The following WNT7B variants were observed in gnomAD, a reference collection of about 807,000 sequenced individuals.
WNT7B encodes the protein protein Wnt-7b.
In WNT7B, 19 loss-of-function variants were observed where a neutral mutation model predicts 38.2. The ratio of observed to expected loss-of-function variants is 0.50; its 90% CI spans 0.35 to 0.73. The LOEUF (loss-of-function observed/expected upper bound fraction) is 0.73. Among genes scored for constraint, WNT7B ranks in the 30% least tolerant of loss-of-function variants. The pLI is 0.01. For synonymous variants in WNT7B, 243 were observed against 209.3 expected (o/e 1.16, Z -1.39); for missense variants, 423 against 507.9 (o/e 0.83, Z 1.61).
chr22:45,942,862 TGTGTGTGTGC>T (rs1299514444), intron 2 of WNT7B, among the ~76,000 whole-genome samples: 14 of 151,476 alleles, frequency 9.2e-5, no homozygotes, highest in African/African-American at 3.4e-4. Context: ...GTGCTGTGTG[TGTGTGTGTGC>T]GTGTGTGCAT....
intron 1 of WNT7B, among the ~76,000 whole-genome samples, chr22:45,962,857 T>C (rs1000938970): frequency 6.6e-6 from 1 of 152,164 alleles, no homozygotes; most frequent in African/African-American, 2.4e-5. Flanking sequence ...TCAGGACAGA[T>C]GGGTGGGTGG....
chr22:45,927,207 C>CGGGCACT (rs1023241547), intron 3 of WNT7B: 3 of 985,292 alleles, frequency 3.0e-6, no homozygotes, highest in African/African-American at 1.7e-5. Context: ...AGCTGGGGGC[C>CGGGCACT]GGGCACTGGG....
intron 3 of WNT7B, among the ~76,000 whole-genome samples, chr22:45,928,902 T>C (rs1300519104): frequency 1.3e-5 from 2 of 151,952 alleles, no homozygotes; most frequent in Non-Finnish European, 2.9e-5. Flanking sequence ...TGCCTTTACC[T>C]GTGCTATTCC....
intron 1 of WNT7B, among the ~76,000 whole-genome samples, chr22:45,955,949 G>C (rs935984736): frequency 3.3e-5 from 5 of 152,174 alleles, no homozygotes; most frequent in African/African-American, 1.2e-4. Flanking sequence ...CTGCCGCCAG[G>C]TAGCGGGACG....
chr22:45,929,652 C>A (rs1461568107), intron 3 of WNT7B, among the ~76,000 whole-genome samples: 18 of 121,760 alleles, frequency 1.5e-4, no homozygotes, highest in Admixed American at 6.6e-4. Context: ...ACTCATCCAT[C>A]CTTCCACCCA....
intron 2 of WNT7B, among the ~76,000 whole-genome samples, chr22:45,937,541 T>C (rs1931542730): frequency 6.6e-6 from 1 of 152,174 alleles, no homozygotes; most frequent in Non-Finnish European, 1.5e-5. Flanking sequence ...CAGACACACA[T>C]TTGGGCATCC....
intron 2 of WNT7B, among the ~76,000 whole-genome samples, chr22:45,937,970 T>C (rs781359656): frequency 4.6e-5 from 7 of 151,792 alleles, no homozygotes; most frequent in Non-Finnish European, 8.8e-5. Context: ...GACCGCGCCA[T>C]TGCACTCCAG....
At position 45,928,987 on chromosome 22, in the gene WNT7B, C is replaced by T. The variant is rs193027406; in HGVS notation, c.570+2111G>A. 4.7e-3 allele frequency among the ~76,000 whole-genome samples: 558 copies of T among 118,264 alleles called. 5 individuals are homozygous for T. Among genetic ancestry groups the T allele is most frequent in the African/African-American group, 0.019 (524 of 28,284 alleles). 77.6% of individuals were successfully genotyped at this position (118,264 alleles called of 152,430 possible). A position where few individuals can be genotyped will look rare whatever the true frequency, so the allele number is the denominator to read the frequency against. On this transcript the variant is annotated intron_variant, in intron 3 of 3. Transcript: ENST00000339464. ...CAAGCAGGGACCCGAGCTTAAGCCT[C>T]CAGAGCCACTCATCCAGGTCTGCTG...
chr22:45,967,717 G>A (rs962805996), intron 1 of WNT7B, among the ~76,000 whole-genome samples: 1 of 152,158 alleles, frequency 6.6e-6, no homozygotes, highest in African/African-American at 2.4e-5. Context: ...TGGGTGGGAG[G>A]GGAAGGGGCG....
rs1932236009 is a variant in WNT7B, at chr22:45,963,224, T to C, written c.72-13078A>G. 2.6e-5 allele frequency among the ~76,000 whole-genome samples: 4 copies of C among 151,946 alleles called. No individual in the cohort carries two copies. The Middle Eastern group carries it at 0.01, about 390-fold the overall frequency. On this transcript the variant is annotated intron_variant, in intron 1 of 3. Transcript: ENST00000339464. ...TGCATTCTCCAAAGCAGGGGACCCA[T>C]TCTGGGTCAGAAGTCCCCTATGCAT...
At chr22:45,952,650 G>A (rs1931960624) in intron 1 of WNT7B, among the ~76,000 whole-genome samples, 1 of 152,270 alleles carries the variant, frequency 6.6e-6, no homozygotes, top group African/African-American at 2.4e-5. Flanking sequence ...CAGGCTCAGG[G>A]CCGAGAAACC....
intron 2 of WNT7B, 130 bp from the exon 3 acceptor site, chr22:45,931,499 C>A (rs540552188): frequency 6.3e-6 from 7 of 1,111,454 alleles, no homozygotes; most frequent in African/African-American, 1.6e-5. Flanking sequence ...TCGCTCGCCC[C>A]CTCTGTGCCT....
At chr22:45,932,059 G>A (rs1403572812) in intron 2 of WNT7B, among the ~76,000 whole-genome samples, 5 of 152,146 alleles carry the variant, frequency 3.3e-5, no homozygotes, top group Non-Finnish European at 5.9e-5. Flanking sequence ...CCCCAGAACT[G>A]CCTGGACTTG....
rs369565466 is a variant in WNT7B at position 45,969,561 on chromosome 22, C to T, written c.71+7123G>A. 1.6e-4 allele frequency among the ~76,000 whole-genome samples: 25 copies of T among 152,366 alleles called. 1 individual carries two copies. In the South Asian group the frequency reaches 3.3e-3, roughly 20 times the overall value. On this transcript the variant is annotated intron_variant, in intron 1 of 3. Transcript: ENST00000339464. The stretch of plus-strand genomic sequence containing the variant: ...ACAACAGAGCTCTGCACAGAGAAGG[C>T]GAGGGCTGGCCAGAGCCGCCTAGCA...
At chr22:45,970,078 T>C (rs1932399477) in intron 1 of WNT7B, among the ~76,000 whole-genome samples, 1 of 152,190 alleles carries the variant, frequency 6.6e-6, no homozygotes, top group Non-Finnish European at 1.5e-5. Context: ...TGGTCAGCCT[T>C]GCGCCCACCA....
intron 2 of WNT7B, among the ~76,000 whole-genome samples, chr22:45,932,427 C>CA (rs1450218973): frequency 2.0e-5 from 3 of 151,496 alleles, no homozygotes; most frequent in African/African-American, 7.3e-5. Context: ...CCCCCCCCGC[C>CA]AGAAGGGAGC....
rs559906490 is a variant in WNT7B at position 45,960,399 on chromosome 22, A to C, written c.72-10253T>G. 1.2e-3 allele frequency among the ~76,000 whole-genome samples: 181 copies of C among 152,222 alleles called. 1 individual carries two copies. Among genetic ancestry groups the C allele is most frequent in the African/African-American group, 4.1e-3 (170 of 41,540 alleles). ...CCACTGTGTCAGCGGCAGACTCCCC[A>C]GGGCAGGGGTCCCCAGAATTGCCCA... On this transcript the variant is annotated intron_variant, in intron 1 of 3. Coordinates refer to ENST00000339464, the MANE Select transcript of WNT7B (RefSeq NM_058238.3).
intron 1 of WNT7B, among the ~76,000 whole-genome samples, chr22:45,958,549 G>A (rs1038008439): frequency 2.0e-5 from 3 of 152,188 alleles, no homozygotes; most frequent in African/African-American, 7.2e-5. Context: ...TCCCCTCATG[G>A]TTGCTATTTC....
chr22:45,931,335 G>A lies in WNT7B; in HGVS notation c.333C>T (p.Thr111=), dbSNP rs779987264. 6.3e-5 allele frequency: 100 copies of A among 1,595,644 alleles called. No individual in the cohort carries two copies. The highest frequency in any genetic ancestry group is 5.1e-4 in the Middle Eastern group (3 of 5,856). The change falls in exon 3 of 4, where the codon ACC becomes ACT. Residue 111 remains threonine (T), a synonymous_variant. Transcript: ENST00000339464. ...SREAAFTYAI[T]AAGVAHAVTA... ...TGACGGCGTGCGCCACGCCAGCCGCGGTGATGGCGTACGTGAAGGCAGCCT... is the reference window on the plus strand; with the variant it reads ...TGACGGCGTGCGCCACGCCAGCCGCAGTGATGGCGTACGTGAAGGCAGCCT...
Sources: allele counts gnomAD v4.1 joint callset (sites outside exome capture counted in the v4.1 genomes callset), GRCh38; gene constraint gnomAD v4.1.1; transcripts MANE v1.5; gene names NCBI Gene and HGNC (gene_info 2026-07-23, HGNC 2026-07-21).